Variants in TRPM2 observed in about 807,000 individuals in gnomAD.
TRPM2 encodes the protein estrogen-responsive element-associated gene 1 protein.
Under a neutral mutation model 174.0 loss-of-function variants are expected in TRPM2, and 161 were observed. The ratio of observed to expected loss-of-function variants is 0.93; its 90% CI spans 0.81 to 1.05. The LOEUF (loss-of-function observed/expected upper bound fraction) is 1.05, where lower values mean the gene tolerates loss of function less well. TRPM2 is among the 50% of genes least tolerant of loss of function. The pLI is 0.00. For missense variants in TRPM2, 2,057 were observed against 2,038.0 expected, an observed-to-expected ratio of 1.01 and a Z score of -0.18; for synonymous variants, 954 against 861.3, an observed-to-expected ratio of 1.11 and a Z score of -1.88.
rs531065544 is a variant in TRPM2, at chr21:44,354,865, A to T, written c.254+129A>T. ...CTGGAGATACCTCTGTCTCCATACG[A>T]GGCTTAGAGTCCACAGAGCATTTCC... On this transcript the variant is annotated intron_variant, in intron 2 of 31. Coordinates refer to ENST00000397928, the MANE Select transcript of TRPM2 (RefSeq NM_003307.4). This position sits in a 1 kb window ranked among gnomAD's most constrained non-coding sequence, Gnocchi z 4.3. 4 of 795,152 alleles carry T rather than the reference A, an allele frequency of 5.0e-6. No individual in the cohort carries two copies. The highest frequency in any genetic ancestry group is 4.7e-5 in the South Asian group (3 of 64,424). The allele number at this position is 795,152 out of a possible 1,614,324, so 49.3% of individuals were successfully genotyped here.
At position 44,439,314 on chromosome 21, in the gene TRPM2, GC is replaced by G. The variant is rs1381300975; in HGVS notation, c.4269+151del. 58 of 682,474 alleles carry G rather than the reference GC, an allele frequency of 8.5e-5. 1 individual carries two copies. Among genetic ancestry groups the G allele is most frequent in the Non-Finnish European group, 1.4e-4 (57 of 394,706 alleles). 42.3% of individuals were successfully genotyped at this position (682,474 alleles called of 1,614,324 possible). A position where few individuals can be genotyped will look rare whatever the true frequency, so the allele number is the denominator to read the frequency against. ...CCAGGTGACGGTGGTCCCAGCCCCT[GC>G]CCCCACGTTGCACAGCTCCCAGAGG... On this transcript the variant is annotated intron_variant, in intron 30 of 31. Coordinates refer to ENST00000397928, the MANE Select transcript of TRPM2 (RefSeq NM_003307.4). The surrounding 1 kb of genome is among the most constrained non-coding windows in gnomAD (Gnocchi z 5.1).
chr21:44,391,485 G>C lies in TRPM2; in HGVS notation c.1654G>C (p.Ala552Pro), dbSNP rs372273456. ...TCCCGAGCGCCCGGCTTGCGCGCCC[G>C]CGGCGCCCCGCCTGCAGATGCACCA... Reference protein sequence around the residue: ...EDPERPACAPAAPRLQMHHVA... With the variant: ...EDPERPACAPPAPRLQMHHVA... Residue 552 changes from alanine to proline, a missense_variant, in exon 11 of 32, where the codon GCG (alanine) becomes CCG (proline). Coordinates refer to ENST00000397928, the MANE Select transcript of TRPM2 (RefSeq NM_003307.4). This position sits in a 1 kb window ranked among gnomAD's most constrained non-coding sequence, Gnocchi z 5.0. 1 of 1,590,220 alleles carries C rather than the reference G, an allele frequency of 6.3e-7. No homozygotes were observed. The highest frequency in any genetic ancestry group is 8.5e-7 in the Non-Finnish European group (1 of 1,172,858).
chr21:44,419,074 C>T (rs1056858411), intron 22 of TRPM2, among the ~76,000 whole-genome samples: 1 of 152,242 alleles, frequency 6.6e-6, no homozygotes, highest in African/African-American at 2.4e-5. Flanking sequence ...CTTCTCTCCA[C>T]TGCCAGGCCT....
At position 44,375,950 on chromosome 21, in the gene TRPM2, G is replaced by T. The variant is rs140112668; in HGVS notation, c.889G>T (p.Val297Leu). 2.5e-5 allele frequency: 40 copies of T among 1,614,006 alleles called. No individual in the cohort carries two copies. Among genetic ancestry groups the T allele is most frequent in the African/African-American group, 1.3e-4 (10 of 74,942 alleles). Residue 297 changes from valine (V) to leucine (L), a missense_variant, in exon 6 of 32, where the codon GTG becomes TTG. Transcript: ENST00000397928. ...VDDGTHGQYGVEIPLRTRLEK... is the reference protein window; with the variant it reads ...VDDGTHGQYGLEIPLRTRLEK... ...CGACGGGACCCACGGCCAGTACGGG[G>T]TGGAGATTCCTCTGAGGACCAGGCT...
At chr21:44,422,281 A>G in intron 22 of TRPM2, 1 of 1,535,772 alleles carries the variant, frequency 6.5e-7, no homozygotes, top group South Asian at 1.2e-5. Context: ...GCAGGGCTGG[A>G]GCTTTGGGGG....
In TRPM2 at chr21:44,391,240, T is replaced by G; in HGVS notation, c.1441-32T>G. ...AGGATGACATGGGGTGATGACCAAA[T>G]GCAACCGTCACTGCACAATGCTTGC... On this transcript the variant is annotated intron_variant, in intron 10 of 31. Coordinates refer to ENST00000397928, the MANE Select transcript of TRPM2 (RefSeq NM_003307.4). The surrounding 1 kb of genome is among the most constrained non-coding windows in gnomAD (Gnocchi z 5.0). The G allele has an allele frequency of 6.3e-7, 1 of 1,587,828 alleles. No homozygotes were observed. Among genetic ancestry groups the G allele is most frequent in the Non-Finnish European group, 8.6e-7 (1 of 1,162,480 alleles).
chr21:44,384,467 C>G (rs1325907400), intron 9 of TRPM2, among the ~76,000 whole-genome samples: 3 of 152,138 alleles, frequency 2.0e-5, no homozygotes, highest in African/African-American at 7.2e-5. Context: ...GGTAAGGGAG[C>G]ACACAGATGC....
chr21:44,426,950 T>C lies in TRPM2; in HGVS notation c.3873-60T>C, dbSNP rs1012921930. On this transcript the variant is annotated intron_variant, in intron 26 of 31. Transcript: ENST00000397928. ...TTGGTGGGGGGGTGATCCCTCTGCCTGTCTGCTCTGTCCCACCTGCAACAC... is the reference window on the plus strand; with the variant it reads ...TTGGTGGGGGGGTGATCCCTCTGCCCGTCTGCTCTGTCCCACCTGCAACAC... 2.2e-5 allele frequency: 33 copies of C among 1,503,306 alleles called. No homozygotes were observed. The African/African-American group carries it at 4.3e-4, about 20-fold the overall frequency. 93.1% of individuals were successfully genotyped at this position (1,503,306 alleles called of 1,614,324 possible).
At chr21:44,410,872 G>A (rs1785458) in intron 19 of TRPM2, among the ~76,000 whole-genome samples, 4,564 of 21,364 alleles carry the variant, frequency 0.21, 1,514 homozygotes, top group Middle Eastern at 0.34. Context: ...CTTGGTGAGC[G>A]TAGTCTTGTA....
intron 5 of TRPM2, among the ~76,000 whole-genome samples, chr21:44,373,046 A>C (rs1195734541): frequency 2.0e-5 from 3 of 152,188 alleles, no homozygotes; most frequent in Non-Finnish European, 4.4e-5. Context: ...GCCAGTAGAC[A>C]AAAAGGGCTC....
intron 5 of TRPM2, among the ~76,000 whole-genome samples, chr21:44,374,275 T>A (rs1373684118): frequency 6.6e-6 from 1 of 152,156 alleles, no homozygotes; most frequent in East Asian, 1.9e-4. Flanking sequence ...CCTCCCAAAG[T>A]GCTGGGATTC....
intron 31 of TRPM2, among the ~76,000 whole-genome samples, chr21:44,441,173 T>C (rs1270842482): frequency 2.0e-5 from 3 of 151,690 alleles, no homozygotes; most frequent in Non-Finnish European, 4.4e-5. Context: ...GCCCAGAAAG[T>C]GACAAAGGGG....
At chr21:44,374,646 TG>T (rs772809656) in intron 5 of TRPM2, among the ~76,000 whole-genome samples, 2 of 152,140 alleles carry the variant, frequency 1.3e-5, no homozygotes, top group Non-Finnish European at 2.9e-5. Context: ...GTCCCTCGCA[TG>T]CACAGTTCAC....
chr21:44,428,657 C>A (rs1291448357), intron 27 of TRPM2, among the ~76,000 whole-genome samples: 1 of 145,034 alleles, frequency 6.9e-6, no homozygotes, highest in Non-Finnish European at 1.5e-5. Context: ...TGAGGTGTGG[C>A]TCCTCCCCTT....
In TRPM2 at chr21:44,369,290, G is replaced by C. The variant is rs776353332; in HGVS notation, c.718G>C (p.Gly240Arg). The C allele has an allele frequency of 6.2e-7, 1 of 1,613,776 alleles. No individual in the cohort carries two copies. Among genetic ancestry groups the C allele is most frequent in the South Asian group, 1.1e-5 (1 of 91,074 alleles). ...CAAGGAAGGCGAGCTCATCACCATC[G>C]GAGTCGCCACCTGGGGCACTGTCCA... ...SYKEGELITI[G>R]VATWGTVHRR... Residue 240 changes from glycine (G) to arginine (R), a missense_variant, in exon 5 of 32, where the codon GGA becomes CGA. Gly to Arg is a moderately radical substitution (Grantham distance 125). Coordinates refer to ENST00000397928, the MANE Select transcript of TRPM2 (RefSeq NM_003307.4).
At position 44,418,118 on chromosome 21, in the gene TRPM2, C is replaced by A. The variant is rs771633624; in HGVS notation, c.3328+10C>A. 2.6e-5 allele frequency: 42 copies of A among 1,604,228 alleles called. No individual in the cohort carries two copies. The highest frequency in any genetic ancestry group is 4.3e-6 in the Non-Finnish European group (5 of 1,175,038). ...AGGCACAAGCAGCTCAGTATGCCAG[C>A]CCCAGTGCCTCTCCTGAATGTCCTG... On this transcript the variant is annotated intron_variant, in intron 21 of 31. Coordinates refer to ENST00000397928, the MANE Select transcript of TRPM2 (RefSeq NM_003307.4).
chr21:44,407,726 A>G (rs1256108930), intron 19 of TRPM2, among the ~76,000 whole-genome samples: 2 of 151,494 alleles, frequency 1.3e-5, no homozygotes, highest in African/African-American at 2.4e-5. Flanking sequence ...CTTTCACTTG[A>G]TGTCCCGTTT....
chr21:44,366,780 C>A lies in TRPM2; in HGVS notation c.450C>A (p.Pro150=). Residue 150 remains proline, a synonymous_variant, in exon 4 of 32, where the codon CCC becomes CCA. Coordinates refer to ENST00000397928, the MANE Select transcript of TRPM2 (RefSeq NM_003307.4). This position sits in a 1 kb window ranked among gnomAD's most constrained non-coding sequence, Gnocchi z 6.0. The stretch of plus-strand genomic sequence containing the variant: ...ACGTCCGAGTCTCCCAGGACACGCC[C>A]TCCAGCGTGATCTACCACCTCATGA... The part of the protein sequence containing the change: ...KKYVRVSQDT[P]SSVIYHLMTQ... 6.2e-7 allele frequency: 1 copy of A among 1,614,044 alleles called. No individual in the cohort carries two copies. Among genetic ancestry groups the A allele is most frequent in the Non-Finnish European group, 8.5e-7 (1 of 1,180,010 alleles).
upstream of TRPM2, among the ~76,000 whole-genome samples, chr21:44,351,808 G>C (rs1427298982): frequency 6.6e-6 from 1 of 152,220 alleles, no homozygotes; most frequent in Non-Finnish European, 1.5e-5. Context: ...GGGTGGTGCT[G>C]GAGCAGGTCT....
Sources: gnomAD v4.1 joint callset for allele counts (sites outside exome capture counted in the v4.1 genomes callset) on GRCh38, gnomAD v4.1.1 for gene constraint, Gnocchi (gnomAD v3.1) non-coding constraint, MANE v1.5 for transcripts, NCBI Gene and HGNC (gene_info 2026-07-23, HGNC 2026-07-21) for gene names.